Variants in CSMD1 observed in about 807,000 individuals in gnomAD.
CSMD1 encodes the protein CUB and Sushi multiple domains 1.
A neutral mutation model predicts 417.5 loss-of-function variants in CSMD1; 213 were observed. That is an observed-to-expected ratio of 0.51 (90% CI 0.46 to 0.57). CSMD1 has a LOEUF of 0.57. Among genes scored for constraint, CSMD1 ranks in the 20% least tolerant of loss-of-function variants. The probability of loss-of-function intolerance (pLI) is 0.00; values close to 1 mark genes in which losing one functional copy is unlikely to be tolerated. For missense variants in CSMD1, 6,923 were observed against 4,529.7 expected (o/e 1.53, Z -15.17); for synonymous variants, 2,862 against 1,736.8 (o/e 1.65, Z -16.11).
intron 3 of CSMD1, among the ~76,000 whole-genome samples, chr8:4,208,987 G>A (rs959482112): frequency 6.6e-6 from 1 of 152,142 alleles, no homozygotes; most frequent in Non-Finnish European, 1.5e-5. Context: ...ACCAGTGAAA[G>A]CTGCTTTCTG....
In CSMD1 at chr8:3,575,204, A is replaced by G. The variant is rs150814197; in HGVS notation, c.1223-138T>C. The G allele has an allele frequency of 1.2e-4, 112 of 904,486 alleles. No individual in the cohort carries two copies. The African/African-American group carries it at 1.7e-3, about 13-fold the overall frequency. 56.0% of individuals were successfully genotyped at this position (904,486 alleles called of 1,614,324 possible). On this transcript the variant is annotated intron_variant, in intron 9 of 69. Transcript: ENST00000635120. ...AAAAAAAAATGGTGCATGGACTCCA[A>G]CTGGGGCATGGACTCCAGTCAGCAA...
In CSMD1 at chr8:4,748,526, C is replaced by T. The variant is rs183598138; in HGVS notation, c.86-110968G>A. 1.7e-3 allele frequency among the ~76,000 whole-genome samples: 259 copies of T among 152,142 alleles called. 1 individual carries two copies. The highest frequency in any genetic ancestry group is 6.1e-3 in the African/African-American group (252 of 41,496). On this transcript the variant is annotated intron_variant, in intron 1 of 69. Coordinates refer to ENST00000635120, the MANE Select transcript of CSMD1 (RefSeq NM_033225.6). ...CCTTGTTAGTTTCTTTGTAACTGTT[C>T]GTGAAACGGTATTTATCAAAGAACA...
At chr8:4,014,259 G>A (rs1029382716) in intron 4 of CSMD1, among the ~76,000 whole-genome samples, 3 of 152,190 alleles carry the variant, frequency 2.0e-5, no homozygotes, top group Admixed American at 6.5e-5. Flanking sequence ...CAAACACAGT[G>A]CTATATGTAC....
At chr8:4,644,157 A>G (rs567806537) in intron 1 of CSMD1, among the ~76,000 whole-genome samples, 32 of 152,302 alleles carry the variant, frequency 2.1e-4, no homozygotes, top group African/African-American at 7.7e-4. Context: ...ATGAACCAGG[A>G]GTACCCGGTT....
At chr8:3,735,807 A>C (rs952269436) in intron 6 of CSMD1, among the ~76,000 whole-genome samples, 1 of 152,166 alleles carries the variant, frequency 6.6e-6, no homozygotes, top group Non-Finnish European at 1.5e-5. Flanking sequence ...GGCCAATTAC[A>C]CTTTCTATCA....
At chr8:3,370,555 C>A (rs1809881916) in intron 18 of CSMD1, among the ~76,000 whole-genome samples, 1 of 152,192 alleles carries the variant, frequency 6.6e-6, no homozygotes, top group South Asian at 2.1e-4. Flanking sequence ...TGGTAAGAGG[C>A]CGGTCATGTC....
At chr8:3,236,469 A>T (rs1799163385) in intron 26 of CSMD1, among the ~76,000 whole-genome samples, 1 of 152,218 alleles carries the variant, frequency 6.6e-6, no homozygotes, top group South Asian at 2.1e-4. Flanking sequence ...TAAACAATGT[A>T]GTGCAGAATA....
At chr8:3,926,112 C>CACACACACACACACAAACACCAT (rs1563218432) in intron 5 of CSMD1, among the ~76,000 whole-genome samples, 5 of 90,680 alleles carry the variant, frequency 5.5e-5, no homozygotes, top group East Asian at 3.2e-4. Flanking sequence ...CACACACACA[C>CACACACACACACACAAACACCAT]ACACACACAC....
chr8:3,658,043 C>G (rs1214237932), intron 7 of CSMD1, among the ~76,000 whole-genome samples: 2 of 152,114 alleles, frequency 1.3e-5, no homozygotes, highest in Non-Finnish European at 2.9e-5. Flanking sequence ...TTGAAATACT[C>G]AGAGCATAAC....
At chr8:2,949,581 T>C (rs1802486801) in intron 67 of CSMD1, among the ~76,000 whole-genome samples, 195 bp from the exon 68 acceptor site, 1 of 152,168 alleles carries the variant, frequency 6.6e-6, no homozygotes, top group Non-Finnish European at 1.5e-5. Context: ...AAGTGAACTT[T>C]AACTAACATA....
intron 3 of CSMD1, among the ~76,000 whole-genome samples, chr8:4,252,583 G>A (rs186024150): frequency 2.0e-5 from 3 of 152,278 alleles, no homozygotes; most frequent in South Asian, 2.1e-4. Flanking sequence ...CCTACACAAT[G>A]TCTACTCTCA....
At chr8:4,160,524 G>C (rs143174203) in intron 3 of CSMD1, among the ~76,000 whole-genome samples, 1 of 152,344 alleles carries the variant, frequency 6.6e-6, no homozygotes, top group Non-Finnish European at 1.5e-5. Flanking sequence ...TTATGCTTAA[G>C]CAAGGAAAAG....
chr8:3,868,831 C>G (rs1250831891), intron 5 of CSMD1, among the ~76,000 whole-genome samples: 1 of 152,166 alleles, frequency 6.6e-6, no homozygotes, highest in Non-Finnish European at 1.5e-5. Context: ...GGCCAATGTG[C>G]TCATCCAAGC....
At chr8:3,060,206 T>A (rs1563292679) in intron 49 of CSMD1, among the ~76,000 whole-genome samples, 1 of 150,770 alleles carries the variant, frequency 6.6e-6, no homozygotes. Context: ...AGTGCAGTGG[T>A]GTGATCTCAG....
At chr8:3,645,502 G>T (rs575950553) in intron 7 of CSMD1, among the ~76,000 whole-genome samples, 1 of 152,198 alleles carries the variant, frequency 6.6e-6, no homozygotes, top group Non-Finnish European at 1.5e-5. Context: ...AAATGGGGAA[G>T]GGGAAGGAAG....
chr8:3,258,262 A>T (rs564019168), intron 26 of CSMD1, among the ~76,000 whole-genome samples: 4 of 152,198 alleles, frequency 2.6e-5, no homozygotes, highest in Non-Finnish European at 5.9e-5. Flanking sequence ...GACAAAAACA[A>T]CCCCATTAAA....
Position 3,586,260 on chromosome 8 carries a change from C to A in CSMD1, c.1098G>T (p.Arg366Ser), listed in dbSNP as rs1172892920. The A allele has an allele frequency of 1.3e-6, 2 of 1,557,690 alleles. No individual in the cohort carries two copies. Among genetic ancestry groups the A allele is most frequent in the Admixed American group, 4.3e-5 (2 of 46,858 alleles). Residue 366 changes from arginine to serine, a missense_variant and splice_region_variant, in exon 9 of 70, where the codon AGG (arginine) becomes AGT (serine). Coordinates refer to ENST00000635120, the MANE Select transcript of CSMD1 (RefSeq NM_033225.6). ...ENGRRAGSDF[R>S]VGANVQFSCE... ...ATGAAAACTGTACATTTGCACCAAC[C>A]CTAAGCCGTTAAAAAAGAAAAAAAA...
intron 5 of CSMD1, among the ~76,000 whole-genome samples, chr8:3,997,664 A>T (rs1463538249): frequency 6.6e-6 from 1 of 152,198 alleles, no homozygotes. Context: ...TGACAGCACT[A>T]CAAGTTCAAG....
intron 5 of CSMD1, among the ~76,000 whole-genome samples, chr8:3,897,659 T>G (rs912372256): frequency 2.6e-5 from 4 of 152,154 alleles, no homozygotes; most frequent in Non-Finnish European, 4.4e-5. Flanking sequence ...CCATAATCGT[T>G]AATAATAGAA....
Sources: allele counts gnomAD v4.1 joint callset (sites outside exome capture counted in the v4.1 genomes callset), GRCh38; gene constraint gnomAD v4.1.1; transcripts MANE v1.5; gene names NCBI Gene and HGNC (gene_info 2026-07-23, HGNC 2026-07-21).